WWOX: variants seen among roughly 807,000 people sequenced by gnomAD.
WWOX encodes the protein WW domain containing oxidoreductase, also known as WW domain-containing oxidoreductase.
A neutral mutation model predicts 46.2 loss-of-function variants in WWOX; 69 were observed. That is an observed-to-expected ratio of 1.49 (90% CI 1.23 to 1.82). The LOEUF (loss-of-function observed/expected upper bound fraction) is 1.82, where lower values mean the gene tolerates loss of function less well. Ranked by LOEUF, WWOX falls within the 40% of genes most tolerant of loss-of-function variation. The pLI, the probability that WWOX is intolerant of heterozygous loss-of-function variation, is 0.00. For missense variants in WWOX, 919 were observed against 542.6 expected, an observed-to-expected ratio of 1.69 and a Z score of -6.89; for synonymous variants, 359 against 202.6, an observed-to-expected ratio of 1.77 and a Z score of -6.56.
intron 8 of WWOX, among the ~76,000 whole-genome samples, chr16:79,208,061 C>G (rs1597480785): frequency 6.6e-6 from 1 of 152,190 alleles, no homozygotes; most frequent in African/African-American, 2.4e-5. Flanking sequence ...TGCTGCAAAT[C>G]TGACAGATGA....
intron 8 of WWOX, among the ~76,000 whole-genome samples, chr16:78,769,244 C>T (rs1281447895): frequency 6.6e-6 from 1 of 152,290 alleles, no homozygotes; most frequent in African/African-American, 2.4e-5. Flanking sequence ...TGTTACAGCC[C>T]GTGTAATGCC....
intron 8 of WWOX, among the ~76,000 whole-genome samples, chr16:78,776,540 G>C (rs2050194602): frequency 6.6e-6 from 1 of 152,192 alleles, no homozygotes; most frequent in South Asian, 2.1e-4. Flanking sequence ...CTGTTTAGCA[G>C]CAGCAGTGTG....
intron 8 of WWOX, among the ~76,000 whole-genome samples, chr16:78,843,190 A>G (rs973753797): frequency 6.7e-6 from 1 of 149,992 alleles, no homozygotes; most frequent in Admixed American, 6.7e-5. Context: ...GGAGAGGAAA[A>G]TTCAATAAAC....
At chr16:78,854,013 A>G (rs911410061) in intron 8 of WWOX, among the ~76,000 whole-genome samples, 1 of 152,208 alleles carries the variant, frequency 6.6e-6, no homozygotes, top group East Asian at 1.9e-4. Context: ...GAAAAATAAA[A>G]TTGTCTGTTG....
intron 8 of WWOX, among the ~76,000 whole-genome samples, chr16:78,861,282 T>G (rs1204740385): frequency 6.6e-6 from 1 of 152,226 alleles, no homozygotes; most frequent in Non-Finnish European, 1.5e-5. Context: ...GACGTAAGTC[T>G]TCTCCCAGTC....
intron 5 of WWOX, among the ~76,000 whole-genome samples, chr16:78,196,769 T>C (rs1182163141): frequency 1.3e-5 from 2 of 152,232 alleles, no homozygotes; most frequent in Non-Finnish European, 2.9e-5. Context: ...GCAATGAATT[T>C]CATTGCCTGC....
At chr16:78,229,247 A>G (rs1227053463) in intron 5 of WWOX, among the ~76,000 whole-genome samples, 3 of 130,556 alleles carry the variant, frequency 2.3e-5, no homozygotes, top group Non-Finnish European at 5.0e-5. Context: ...TTTGAAGTAT[A>G]TACAAGAAAT....
At chr16:78,756,732 A>T (rs1372052151) in intron 8 of WWOX, among the ~76,000 whole-genome samples, 2 of 152,204 alleles carry the variant, frequency 1.3e-5, no homozygotes, top group East Asian at 3.9e-4. Flanking sequence ...AAGGTGGTGG[A>T]CAAAGAATCA....
intron 8 of WWOX, among the ~76,000 whole-genome samples, chr16:78,785,243 A>C (rs996743487): frequency 1.3e-5 from 2 of 152,222 alleles, no homozygotes; most frequent in Non-Finnish European, 2.9e-5. Context: ...AGGCTGCAGT[A>C]ATTCTCTTCC....
At chr16:79,125,883 G>A (rs983346577) in intron 8 of WWOX, among the ~76,000 whole-genome samples, 2 of 152,144 alleles carry the variant, frequency 1.3e-5, no homozygotes, top group Admixed American at 6.5e-5. Flanking sequence ...AAAGATTATC[G>A]TCGAAGGCGT....
rs375649496 is a variant in WWOX, at chr16:78,164,226, G to A, written c.453G>A (p.Val151=). Residue 151 remains valine, a synonymous_variant, in exon 5 of 9, where the codon GTG becomes GTA. Transcript: ENST00000566780. ...CTTTTGCCCTCCATGGTGCACATGTGATCTTGGCCTGCAGGAACATGGCAA... is the reference window on the plus strand; with the variant it reads ...CTTTTGCCCTCCATGGTGCACATGTAATCTTGGCCTGCAGGAACATGGCAA... The part of the protein sequence containing the change: ...AKSFALHGAH[V]ILACRNMARA... 8.1e-5 allele frequency: 130 copies of A among 1,614,038 alleles called. No individual in the cohort carries two copies. Among genetic ancestry groups the A allele is most frequent in the Non-Finnish European group, 1.1e-4 (125 of 1,180,020 alleles).
intron 4 of WWOX, among the ~76,000 whole-genome samples, chr16:78,117,702 T>C (rs927027439): frequency 3.3e-5 from 5 of 152,330 alleles, no homozygotes; most frequent in African/African-American, 9.6e-5. Context: ...TTAGTTCCGC[T>C]CATTTAAAAT....
At chr16:78,683,160 C>T (rs1349421728) in intron 8 of WWOX, among the ~76,000 whole-genome samples, 4 of 152,088 alleles carry the variant, frequency 2.6e-5, no homozygotes, top group Admixed American at 6.6e-5. Flanking sequence ...GTAAGGAAAA[C>T]ACTGAGTGTT....
At chr16:78,409,860 A>G (rs1246378498) in intron 6 of WWOX, among the ~76,000 whole-genome samples, 1 of 152,162 alleles carries the variant, frequency 6.6e-6, no homozygotes, top group African/African-American at 2.4e-5. Context: ...CCCTCTAGCC[A>G]CAATCGGGAA....
In WWOX at chr16:78,324,258, C is replaced by G. The variant is rs145238323; in HGVS notation, c.517-62602C>G. ...CTGGTCTTAGATACTGCTCAACTCACAGTTGAAATGTAGAAGTGAAAAGTC... is the reference window on the plus strand; with the variant it reads ...CTGGTCTTAGATACTGCTCAACTCAGAGTTGAAATGTAGAAGTGAAAAGTC... On this transcript the variant is annotated intron_variant, in intron 5 of 8. Coordinates refer to ENST00000566780, the MANE Select transcript of WWOX (RefSeq NM_016373.4). Among the ~76,000 whole-genome samples the G allele has an allele frequency of 2.4e-3, 359 of 152,168 alleles. 2 individuals are homozygous for G. Among genetic ancestry groups the G allele is most frequent in the Middle Eastern group, 0.01 (3 of 294 alleles).
At chr16:78,375,903 G>C (rs2081811216) in intron 5 of WWOX, among the ~76,000 whole-genome samples, 1 of 147,236 alleles carries the variant, frequency 6.8e-6, no homozygotes, top group African/African-American at 2.5e-5. Flanking sequence ...CCAGGCTCGA[G>C]TGCAGTGGCA....
At chr16:78,705,659 T>C (rs73571486) in intron 8 of WWOX, among the ~76,000 whole-genome samples, 53 of 152,348 alleles carry the variant, frequency 3.5e-4, no homozygotes, top group African/African-American at 1.3e-3. Context: ...TGATCACCCA[T>C]GTAAAACTGT....
At chr16:78,933,278 A>C (rs771137745) in intron 8 of WWOX, among the ~76,000 whole-genome samples, 3 of 152,192 alleles carry the variant, frequency 2.0e-5, no homozygotes, top group Admixed American at 6.5e-5. Context: ...GTGTCTACTA[A>C]AAATACAAAA....
chr16:78,465,813 G>A (rs1277361474), intron 8 of WWOX, among the ~76,000 whole-genome samples: 2 of 152,034 alleles, frequency 1.3e-5, no homozygotes, highest in South Asian at 2.1e-4. Flanking sequence ...CTGAATAACT[G>A]ATCTTTACAG....
Sources: allele counts gnomAD v4.1 joint callset (sites outside exome capture counted in the v4.1 genomes callset), GRCh38; gene constraint gnomAD v4.1.1; transcripts MANE v1.5; gene names NCBI Gene and HGNC (gene_info 2026-07-23, HGNC 2026-07-21).